Variants in SHROOM3 observed in about 807,000 individuals in gnomAD.
The protein encoded by SHROOM3 is shroom family member 3.
SHROOM3 carries 47 observed loss-of-function variants against 138.6 expected under a neutral mutation model. The ratio of observed to expected loss-of-function variants is 0.34; its 90% CI spans 0.27 to 0.43. SHROOM3 has a LOEUF of 0.43. Among genes scored for constraint, SHROOM3 ranks in the 20% least tolerant of loss-of-function variants. SHROOM3 has a pLI of 1.00. For synonymous variants in SHROOM3, 1,062 were observed against 1,063.3 expected, an observed-to-expected ratio of 1.00 and a Z score of 0.02; for missense variants, 2,491 against 2,596.5, an observed-to-expected ratio of 0.96 and a Z score of 0.88.
At chr4:76,625,630 C>T (rs1560569440) in intron 2 of SHROOM3, among the ~76,000 whole-genome samples, 1 of 152,102 alleles carries the variant, frequency 6.6e-6, no homozygotes, top group African/African-American at 2.4e-5. Context: ...CCACAGCATC[C>T]TTCCTTTCCT....
chr4:76,561,214 C>T (rs1037702133), intron 2 of SHROOM3, among the ~76,000 whole-genome samples: 3 of 152,232 alleles, frequency 2.0e-5, no homozygotes, highest in East Asian at 1.9e-4. Flanking sequence ...TCAATTTATT[C>T]TATGAGTTGA....
At chr4:76,653,511 A>G (rs890826067) in intron 2 of SHROOM3, among the ~76,000 whole-genome samples, 2 of 151,378 alleles carry the variant, frequency 1.3e-5, no homozygotes, top group Admixed American at 6.6e-5. Context: ...GGTATATGCA[A>G]AAAGCATGAA....
At chr4:76,677,938 T>C (rs977322583) in intron 2 of SHROOM3, among the ~76,000 whole-genome samples, 2 of 152,138 alleles carry the variant, frequency 1.3e-5, no homozygotes, top group Admixed American at 1.3e-4. Flanking sequence ...TGTGAAAGTC[T>C]AAAATAAAAT....
rs1722707117 is a variant in SHROOM3, at chr4:76,780,542, A to AG, written c.*1365_*1366insG. The AG allele has an allele frequency of 6.6e-6, 1 of 152,164 alleles. No homozygotes were observed. Among genetic ancestry groups the AG allele is most frequent in the Non-Finnish European group, 1.5e-5 (1 of 68,026 alleles). The allele number at this position is 152,164 out of a possible 1,614,324, so 9.4% of individuals were successfully genotyped here. ...GGAGTAAAATTTTGAAGTAAAAAAA[A>AG]AAAAAAAATGACAAGGGAACCAAAT... On this transcript the variant is annotated 3_prime_UTR_variant, in exon 11 of 11. Transcript: ENST00000296043.
chr4:76,516,604 A>G (rs1732449443), intron 1 of SHROOM3, among the ~76,000 whole-genome samples: 1 of 152,148 alleles, frequency 6.6e-6, no homozygotes. Context: ...TAGAAAAAAA[A>G]AAGGAACCAA....
intron 2 of SHROOM3, among the ~76,000 whole-genome samples, chr4:76,569,898 T>G (rs558681881): frequency 4.6e-5 from 7 of 152,300 alleles, no homozygotes; most frequent in Admixed American, 2.0e-4. Context: ...CTTCTCTGGC[T>G]GGGTGAGGTC....
rs766875857 is a variant in SHROOM3 at position 76,759,696 on chromosome 4, GTAAA to G, written c.5349+6_5349+9del. 8 of 1,613,190 alleles carry G rather than the reference GTAAA, an allele frequency of 5.0e-6. No individual in the cohort carries two copies. The East Asian group carries it at 1.6e-4, about 31-fold the overall frequency. On this transcript the variant is annotated splice_donor_variant and splice_donor_5th_base_variant and intron_variant, in intron 9 of 10. Coordinates refer to ENST00000296043, the MANE Select transcript of SHROOM3 (RefSeq NM_020859.4). LOFTEE classifies it high-confidence loss of function. ...ACAGGCAGATGTCAATGAAAAGAAG[GTAAA>G]TAAAGAATGGGATGCCCTTGTTCAG...
At chr4:76,520,826 T>C (rs940660935) in intron 1 of SHROOM3, among the ~76,000 whole-genome samples, 2 of 152,220 alleles carry the variant, frequency 1.3e-5, no homozygotes, top group African/African-American at 4.8e-5. Context: ...ACAAATGTGG[T>C]TATACCTATG....
chr4:76,609,583 A>G (rs114488894), intron 2 of SHROOM3, among the ~76,000 whole-genome samples: 2,255 of 152,324 alleles, frequency 0.015, 47 homozygotes, highest in African/African-American at 0.049. Flanking sequence ...CAGAATCTGT[A>G]TCTGACCATG....
chr4:76,739,361 G>A lies in SHROOM3; in HGVS notation c.1188G>A (p.Arg396=). The change falls in exon 5 of 11, where the codon CGG becomes CGA. Residue 396 remains arginine, a synonymous_variant. Transcript: ENST00000296043. The part of the protein sequence containing the change: ...PARSDSYAAF[R]HRERPSSWSS... ...GGAGTGACAGTTACGCAGCATTTCG[G>A]CACCGTGAGCGGCCCAGCTCCTGGT... The A allele has an allele frequency of 6.2e-7, 1 of 1,614,068 alleles. No individual in the cohort carries two copies. Among genetic ancestry groups the A allele is most frequent in the East Asian group, 2.2e-5 (1 of 44,876 alleles).
chr4:76,527,252 T>A (rs1010674119), intron 1 of SHROOM3, among the ~76,000 whole-genome samples: 5 of 152,148 alleles, frequency 3.3e-5, no homozygotes, highest in African/African-American at 1.2e-4. Context: ...TTGCTTTTAT[T>A]TATTTATTGG....
intron 2 of SHROOM3, among the ~76,000 whole-genome samples, chr4:76,600,905 C>T (rs1734491635): frequency 6.6e-6 from 1 of 152,176 alleles, no homozygotes; most frequent in South Asian, 2.1e-4. Flanking sequence ...TTGATTGCCA[C>T]TGAATCCTCA....
At chr4:76,677,419 T>C (rs1353257280) in intron 2 of SHROOM3, among the ~76,000 whole-genome samples, 2 of 152,248 alleles carry the variant, frequency 1.3e-5, no homozygotes, top group Non-Finnish European at 1.5e-5. Context: ...AAGTTGAGCT[T>C]CGTTTTCTCT....
At chr4:76,622,235 T>A (rs1735022538) in intron 2 of SHROOM3, among the ~76,000 whole-genome samples, 1 of 152,134 alleles carries the variant, frequency 6.6e-6, no homozygotes, top group African/African-American at 2.4e-5. Context: ...TAGGCACTTT[T>A]TCTTTGTGAA....
chr4:76,492,909 TG>T (rs1170343478), intron 1 of SHROOM3, among the ~76,000 whole-genome samples: 1 of 152,152 alleles, frequency 6.6e-6, no homozygotes, highest in Non-Finnish European at 1.5e-5. Flanking sequence ...CGTGGGATTC[TG>T]GGTGGAGATG....
At chr4:76,574,092 C>G (rs1733888041) in intron 2 of SHROOM3, among the ~76,000 whole-genome samples, 1 of 151,252 alleles carries the variant, frequency 6.6e-6, no homozygotes, top group Admixed American at 6.6e-5. Context: ...GAAATCAGAA[C>G]TTGGTCCTCA....
At chr4:76,748,930 GT>G in intron 5 of SHROOM3, 86 bp from the exon 6 acceptor site, 1 of 1,244,730 alleles carries the variant, frequency 8.0e-7, no homozygotes, top group Non-Finnish European at 1.2e-6. Context: ...GTAAATAGGT[GT>G]TCCTTCTCCT....
At chr4:76,651,397 CATAAAT>C (rs1280326222) in intron 2 of SHROOM3, among the ~76,000 whole-genome samples, 9 of 71,382 alleles carry the variant, frequency 1.3e-4, no homozygotes, top group Non-Finnish European at 2.7e-4. Flanking sequence ...TCATGTAACC[CATAAAT>C]ATATATATAT....
In SHROOM3 at chr4:76,724,391, G is replaced by A. The variant is rs144097339; in HGVS notation, c.456-6413G>A. ...TTTAGGAATGCTTATTAAATGTTTC[G>A]CATCATTGAGAAAGTCAGCTGTTTA... On this transcript the variant is annotated intron_variant, in intron 3 of 10. Transcript: ENST00000296043. Among the ~76,000 whole-genome samples, 325 of 151,592 alleles carry A rather than the reference G, an allele frequency of 2.1e-3. 1 individual carries two copies. Among genetic ancestry groups the A allele is most frequent in the Non-Finnish European group, 3.5e-3 (236 of 67,928 alleles).
Sources: allele counts gnomAD v4.1 joint callset (sites outside exome capture counted in the v4.1 genomes callset), GRCh38; gene constraint gnomAD v4.1.1; transcripts MANE v1.5; gene names NCBI Gene and HGNC (gene_info 2026-07-23, HGNC 2026-07-21).